MSH6: variants seen among roughly 807,000 people sequenced by gnomAD.
The protein encoded by MSH6 is DNA mismatch repair protein Msh6.
MSH6 carries 85 observed loss-of-function variants against 119.1 expected under a neutral mutation model. The ratio of observed to expected loss-of-function variants is 0.71; its 90% CI spans 0.60 to 0.85. The LOEUF is 0.85. Ranked by LOEUF, MSH6 falls within the 40% of genes least tolerant of loss-of-function variation. The pLI is 0.00. For missense variants in MSH6, 2,163 were observed against 1,655.3 expected (o/e 1.31, Z -5.32); for synonymous variants, 830 against 586.9 (o/e 1.41, Z -5.99).
intron 2 of MSH6, 39 bp downstream of exon 2, chr2:47,791,162 G>T (rs748640117): frequency 1.3e-6 from 2 of 1,553,832 alleles, no homozygotes; most frequent in Non-Finnish European, 8.9e-7. Context: ...GTTTGTGTGT[G>T]TGTGTGTGTG....
At chr2:47,807,757 G>A (rs567603053), downstream of MSH6, 1 of 246,814 alleles carries the variant, frequency 4.1e-6, no homozygotes, top group African/African-American at 2.2e-5. Context: ...CATAAAGGCA[G>A]CAACAAAGCT....
chr2:47,788,930 T>TTTTTTTGTTTTTTTTTTTTTTG (rs1668550380), intron 1 of MSH6, among the ~76,000 whole-genome samples: 1 of 92,722 alleles, frequency 1.1e-5, no homozygotes, highest in African/African-American at 5.1e-5. Flanking sequence ...TTGTTTTTTT[T>TTTTTTTGTTTTTTTTTTTTTTG]TTTTTTTTTT....
intron 4 of MSH6, among the ~76,000 whole-genome samples, 197 bp from the exon 5 acceptor site, chr2:47,803,223 T>C (rs1358122511): frequency 6.6e-6 from 1 of 152,082 alleles, no homozygotes; most frequent in Non-Finnish European, 1.5e-5. Flanking sequence ...TGGCCTCTGC[T>C]CTATCTTTTA....
At chr2:47,790,348 G>A (rs1348954868) in intron 1 of MSH6, among the ~76,000 whole-genome samples, 1 of 152,136 alleles carries the variant, frequency 6.6e-6, no homozygotes, top group South Asian at 2.1e-4. Flanking sequence ...CGCTTGAACC[G>A]GGGAGGCACG....
At chr2:47,786,634 G>A (rs575149113) in intron 1 of MSH6, among the ~76,000 whole-genome samples, 6 of 152,076 alleles carry the variant, frequency 3.9e-5, no homozygotes, top group South Asian at 2.1e-4. Flanking sequence ...GCACCTGGCC[G>A]TGAGCCACCG....
intron 1 of MSH6, chr2:47,784,266 G>A (rs1668210396): frequency 4.0e-6 from 4 of 990,444 alleles, no homozygotes; most frequent in Non-Finnish European, 4.8e-6. Flanking sequence ...GCACCGAGAC[G>A]AAGATAGAAT....
chr2:47,808,312 G>GC, downstream of MSH6: 2 of 1,612,234 alleles, frequency 1.2e-6, no homozygotes, highest in Non-Finnish European at 1.7e-6. Context: ...AATATATCAA[G>GC]CAAGTGTGCT....
At chr2:47,794,951 C>T (rs111369245) in intron 2 of MSH6, among the ~76,000 whole-genome samples, 2 of 152,244 alleles carry the variant, frequency 1.3e-5, no homozygotes, top group Non-Finnish European at 2.9e-5. Flanking sequence ...TGTGCCACCA[C>T]ACCCAGCTAA....
rs876660165 is a variant in MSH6, at chr2:47,803,517, G to T, written c.3270G>T (p.Glu1090Asp). Residue 1090 changes from glutamate (E) to aspartate (D), a missense_variant, in exon 5 of 10, where the codon GAG (glutamate) becomes GAT (aspartate). Glu to Asp is a conservative substitution (Grantham distance 45). Transcript: ENST00000234420. Reference sequence around the variant, plus strand: ...CGGAAGATACCCCCCCCTTCTTAGAGCTTAAAGGATCACGCCATCCTTGCA... The same window carrying T: ...CGGAAGATACCCCCCCCTTCTTAGATCTTAAAGGATCACGCCATCCTTGCA... ...LLPEDTPPFL[E>D]LKGSRHPCIT... 1 of 1,614,078 alleles carries T rather than the reference G, an allele frequency of 6.2e-7. No homozygotes were observed. The highest frequency in any genetic ancestry group is 1.1e-5 in the South Asian group (1 of 91,066).
intron 2 of MSH6, among the ~76,000 whole-genome samples, chr2:47,795,285 T>A (rs1669002267): frequency 6.6e-6 from 1 of 152,068 alleles, no homozygotes; most frequent in Non-Finnish European, 1.5e-5. Flanking sequence ...TTTCCCTGAA[T>A]ATTTATTCCT....
intron 3 of MSH6, 142 bp from the exon 4 acceptor site, chr2:47,798,469 T>G: frequency 1.2e-6 from 1 of 811,468 alleles, no homozygotes. Context: ...TCTCATGTAA[T>G]TCATCGAATA....
At chr2:47,808,816 A>G (rs1284938859), downstream of MSH6, 6 of 259,422 alleles carry the variant, frequency 2.3e-5, no homozygotes, top group Non-Finnish European at 3.6e-5. Context: ...CATGAGTTAC[A>G]TGAATGACAT....
chr2:47,783,199 T>C lies in MSH6; in HGVS notation c.-35T>C, dbSNP rs1455514563. The C allele has an allele frequency of 6.2e-7, 1 of 1,609,496 alleles. No individual in the cohort carries two copies. Among genetic ancestry groups the C allele is most frequent in the South Asian group, 1.1e-5 (1 of 90,544 alleles). ...AGATGCGGTGCTTTTAGGAGCTCCGTCCGACAGAACGGTTGGGCCTTGCCG... is the reference window on the plus strand; with the variant it reads ...AGATGCGGTGCTTTTAGGAGCTCCGCCCGACAGAACGGTTGGGCCTTGCCG... On this transcript the variant is annotated 5_prime_UTR_variant, in exon 1 of 10. Transcript: ENST00000234420.
chr2:47,784,005 T>TA (rs1668188604), intron 1 of MSH6: 4 of 1,022,572 alleles, frequency 3.9e-6, no homozygotes, highest in Middle Eastern at 4.7e-4. Flanking sequence ...GGCGCGGAGA[T>TA]AGTGAGTTGG....
At chr2:47,796,249 C>T (rs12991162) in intron 3 of MSH6, among the ~76,000 whole-genome samples, 186 bp downstream of exon 3, 4 of 152,202 alleles carry the variant, frequency 2.6e-5, no homozygotes, top group African/African-American at 9.7e-5. Context: ...AGAATCTCAA[C>T]AGCTAGCATC....
Position 47,790,924 on chromosome 2 carries a change from C to T in MSH6, c.261-3C>T, listed in dbSNP as rs2104097957. ...TAAGTTATGTATTTCCTTTTGGCAACAGTTGTGACTTCTCACCAGGAGATT... is the reference window on the plus strand; with the variant it reads ...TAAGTTATGTATTTCCTTTTGGCAATAGTTGTGACTTCTCACCAGGAGATT... On this transcript the variant is annotated splice_region_variant and splice_polypyrimidine_tract_variant and intron_variant, in intron 1 of 9. Transcript: ENST00000234420. 1.2e-6 allele frequency: 2 copies of T among 1,614,114 alleles called. No homozygotes were observed. Among genetic ancestry groups the T allele is most frequent in the Non-Finnish European group, 1.7e-6 (2 of 1,179,946 alleles).
At chr2:47,793,685 A>G (rs2104178330) in intron 2 of MSH6, among the ~76,000 whole-genome samples, 1 of 152,088 alleles carries the variant, frequency 6.6e-6, no homozygotes. Flanking sequence ...CAGATGATAT[A>G]TGAAGTCTCT....
At chr2:47,808,061 A>T, downstream of MSH6, 1 of 1,462,014 alleles carries the variant, frequency 6.8e-7, no homozygotes, top group Non-Finnish European at 9.4e-7. Flanking sequence ...CTTCTTCCAA[A>T]AAAGTGTTTT....
Position 47,806,891 on chromosome 2 carries a change from TCTGACAAAGGTGGTAAA to T in MSH6, c.*32_*48del. ...CTACATTGGAAGCTTTGAGTTGACT[TCTGACAAAGGTGGTAAA>T]TTCAGACAACATTATGATCTAATAA... On this transcript the variant is annotated 3_prime_UTR_variant, in exon 10 of 10. Transcript: ENST00000234420. 6.7e-7 allele frequency: 1 copy of T among 1,500,144 alleles called. No homozygotes were observed. The highest frequency in any genetic ancestry group is 9.3e-7 in the Non-Finnish European group (1 of 1,076,874). 92.9% of individuals were successfully genotyped at this position (1,500,144 alleles called of 1,614,324 possible).
Sources: gnomAD v4.1 joint callset for allele counts (sites outside exome capture counted in the v4.1 genomes callset) on GRCh38, gnomAD v4.1.1 for gene constraint, MANE v1.5 for transcripts, NCBI Gene and HGNC (gene_info 2026-07-23, HGNC 2026-07-21) for gene names.